SLC4A7: variants seen among roughly 807,000 people sequenced by gnomAD.
The protein encoded by SLC4A7 is solute carrier family 4 member 7, also known as sodium bicarbonate cotransporter 3.
A neutral mutation model predicts 137.6 loss-of-function variants in SLC4A7; 51 were observed. The ratio of observed to expected loss-of-function variants is 0.37; its 90% CI spans 0.30 to 0.47. The LOEUF is 0.47. SLC4A7 is among the 20% of genes least tolerant of loss of function. The pLI is 1.00. For synonymous variants in SLC4A7, 542 were observed against 518.6 expected, an observed-to-expected ratio of 1.05 and a Z score of -0.61; for missense variants, 1,247 against 1,525.4, an observed-to-expected ratio of 0.82 and a Z score of 3.04.
intron 5 of SLC4A7, among the ~76,000 whole-genome samples, chr3:27,435,499 C>A (rs1365981525): frequency 3.9e-5 from 6 of 152,122 alleles, no homozygotes; most frequent in Non-Finnish European, 4.4e-5. Flanking sequence ...TCACACTATT[C>A]CTCAACTTAA....
chr3:27,424,577 CTAAGTG>C (rs1425719857), intron 7 of SLC4A7: 1 of 152,890 alleles, frequency 6.5e-6, no homozygotes, highest in Non-Finnish European at 1.5e-5. Context: ...CTGACAAACC[CTAAGTG>C]TAACTCAGAA....
intron 11 of SLC4A7, 138 bp downstream of exon 11, chr3:27,418,348 A>C: frequency 1.6e-6 from 1 of 641,754 alleles, no homozygotes; most frequent in South Asian, 2.0e-5. Context: ...CACCCACAGG[A>C]GGTAAGTATG....
chr3:27,418,455 A>G (rs1300366041), intron 11 of SLC4A7, 31 bp downstream of exon 11: 1 of 1,561,202 alleles, frequency 6.4e-7, no homozygotes, highest in Non-Finnish European at 8.6e-7. Context: ...AAAATAAAGT[A>G]AGTCACAGAA....
At chr3:27,395,216 T>A in intron 18 of SLC4A7, 101 bp from the exon 19 acceptor site, 3 of 733,106 alleles carry the variant, frequency 4.1e-6, no homozygotes, top group Non-Finnish European at 4.2e-6. Context: ...ACCCAACGAA[T>A]GGGAAATAAC....
At position 27,377,223 on chromosome 3, in the gene SLC4A7, G is replaced by C. The variant is rs146398760; in HGVS notation, c.3699-378C>G. On this transcript the variant is annotated intron_variant, in intron 25 of 25. Coordinates refer to ENST00000454389, the MANE Select transcript of SLC4A7 (RefSeq NM_001321103.2). ...TAATATATGAATCTTTGTTAATATAGATAGGTATCAAATAATTTCCAAGAA... is the reference window on the plus strand; with the variant it reads ...TAATATATGAATCTTTGTTAATATACATAGGTATCAAATAATTTCCAAGAA... Among the ~76,000 whole-genome samples, 1,487 of 152,050 alleles carry C rather than the reference G, an allele frequency of 9.8e-3. 27 individuals are homozygous for C. The highest frequency in any genetic ancestry group is 0.034 in the African/African-American group (1,427 of 41,476).
At chr3:27,401,660 T>A (rs1041169557) in intron 15 of SLC4A7, among the ~76,000 whole-genome samples, 2 of 152,138 alleles carry the variant, frequency 1.3e-5, no homozygotes, top group Non-Finnish European at 2.9e-5. Flanking sequence ...TGTGAATAAG[T>A]AACACTACAA....
At chr3:27,397,824 A>G in intron 17 of SLC4A7, 27 bp from the exon 18 acceptor site, 1 of 1,242,436 alleles carries the variant, frequency 8.0e-7, no homozygotes, top group Non-Finnish European at 1.2e-6. Context: ...ATGTTAATAT[A>G]AACACAGAAA....
At chr3:27,419,521 A>G (rs781323594) in intron 10 of SLC4A7, among the ~76,000 whole-genome samples, 2 of 149,896 alleles carry the variant, frequency 1.3e-5, no homozygotes, top group African/African-American at 2.4e-5. Flanking sequence ...TTTTTAGTAG[A>G]GATGGGGTTT....
At chr3:27,406,097 T>C (rs2053318274) in intron 13 of SLC4A7, among the ~76,000 whole-genome samples, 1 of 152,090 alleles carries the variant, frequency 6.6e-6, no homozygotes, top group African/African-American at 2.4e-5. Context: ...CCTGCTGAAA[T>C]GAGAGGCAGC....
intron 1 of SLC4A7, among the ~76,000 whole-genome samples, chr3:27,466,715 C>T (rs572371334): frequency 6.0e-4 from 91 of 151,794 alleles, no homozygotes; most frequent in African/African-American, 2.1e-3. Context: ...AAATTAGCCC[C>T]GCGTGCTGGT....
At chr3:27,432,834 G>C (rs948926168) in intron 6 of SLC4A7, among the ~76,000 whole-genome samples, 1 of 152,060 alleles carries the variant, frequency 6.6e-6, no homozygotes. Flanking sequence ...CTGGATAAAT[G>C]AACTTATTTC....
At chr3:27,401,084 T>G in intron 15 of SLC4A7, 2 of 368,904 alleles carry the variant, frequency 5.4e-6, no homozygotes. Flanking sequence ...TCAAAACGTT[T>G]AGTTAATGAA....
At chr3:27,419,525 G>A (rs1199306272) in intron 10 of SLC4A7, among the ~76,000 whole-genome samples, 2 of 151,226 alleles carry the variant, frequency 1.3e-5, no homozygotes, top group Non-Finnish European at 2.9e-5. Context: ...TAGTAGAGAT[G>A]GGGTTTCACC....
chr3:27,379,243 A>AACT lies in SLC4A7; in HGVS notation c.3698+3_3698+5dup, dbSNP rs759188471. On this transcript the variant is annotated splice_donor_region_variant and intron_variant, in intron 25 of 25. Coordinates refer to ENST00000454389, the MANE Select transcript of SLC4A7 (RefSeq NM_001321103.2). ...AGTTAGAAAACACACAAATAGTTAT[A>AACT]ACTACCTCATGTTAGATCTGGTTAC... is the stretch of plus-strand genomic sequence containing the variant. 2.7e-6 allele frequency: 4 copies of AACT among 1,469,926 alleles called. No individual in the cohort carries two copies. Among genetic ancestry groups the AACT allele is most frequent in the Middle Eastern group, 3.4e-4 (2 of 5,874 alleles). The allele number at this position is 1,469,926 out of a possible 1,614,324, so 91.1% of individuals were successfully genotyped here.
intron 1 of SLC4A7, among the ~76,000 whole-genome samples, chr3:27,466,309 G>A (rs1370508933): frequency 2.0e-5 from 3 of 151,890 alleles, no homozygotes; most frequent in African/African-American, 4.8e-5. Flanking sequence ...AAATTAGCCG[G>A]GCGAGGTGGT....
intron 1 of SLC4A7, among the ~76,000 whole-genome samples, chr3:27,479,056 A>C (rs923262374): frequency 1.3e-5 from 2 of 152,064 alleles, no homozygotes; most frequent in African/African-American, 4.8e-5. Context: ...CTGTATTGGC[A>C]TATCAGCGCC....
chr3:27,449,339 T>C (rs941640389), intron 2 of SLC4A7, among the ~76,000 whole-genome samples: 4 of 149,358 alleles, frequency 2.7e-5, no homozygotes, highest in African/African-American at 9.8e-5. Flanking sequence ...AATTAAATAC[T>C]TTATAATAAA....
At chr3:27,404,679 G>A (rs1223687242) in intron 14 of SLC4A7, 151 bp downstream of exon 14, 1 of 592,424 alleles carries the variant, frequency 1.7e-6, no homozygotes, top group Non-Finnish European at 2.9e-6. Context: ...AATGGAAGGG[G>A]CCAGAGGATG....
At chr3:27,426,274 G>A (rs1357291571) in intron 7 of SLC4A7, among the ~76,000 whole-genome samples, 2 of 152,172 alleles carry the variant, frequency 1.3e-5, no homozygotes, top group African/African-American at 2.4e-5. Flanking sequence ...GATTTCCCAA[G>A]CCTCAACTCA....
Sources: gnomAD v4.1 joint callset for allele counts (sites outside exome capture counted in the v4.1 genomes callset) on GRCh38, gnomAD v4.1.1 for gene constraint, MANE v1.5 for transcripts, NCBI Gene and HGNC (gene_info 2026-07-23, HGNC 2026-07-21) for gene names.